The following SLC22A2 variants were observed in gnomAD, a reference collection of about 807,000 sequenced individuals.
SLC22A2 encodes the protein organic cation transporter 2.
A neutral mutation model predicts 60.5 loss-of-function variants in SLC22A2; 46 were observed. The ratio of observed to expected loss-of-function variants is 0.76; its 90% confidence interval spans 0.60 to 0.97. SLC22A2 has a LOEUF of 0.97. SLC22A2 is among the 50% of genes least tolerant of loss of function. SLC22A2 has a pLI of 0.00. For missense variants in SLC22A2, 701 were observed against 706.6 expected (o/e 0.99, Z 0.09); for synonymous variants, 303 against 267.0 (o/e 1.13, Z -1.31).
At position 160,224,751 on chromosome 6, in the gene SLC22A2, C is replaced by T; in HGVS notation, c.1555G>A (p.Gly519Arg). 1.2e-6 allele frequency: 2 copies of T among 1,604,470 alleles called. No homozygotes were observed. Among genetic ancestry groups the T allele is most frequent in the Non-Finnish European group, 1.7e-6 (2 of 1,174,540 alleles). Residue 519 changes from glycine to arginine, a missense_variant, in exon 10 of 11, where the codon GGG (glycine) becomes AGG (arginine). Physicochemically the swap from Gly to Arg is moderately radical, Grantham distance 125. Transcript: ENST00000366953. ...TCGATGGTCTCAGGCAAAGCTTTCC[C>T]TTTAGTTTCTGGAAGCAACAGCACC... is the stretch of plus-strand genomic sequence containing the variant. ...GLVLLLPETK[G>R]KALPETIEEA... is the part of the protein sequence containing the mutation.
At chr6:160,223,957 C>T (rs956421043) in intron 10 of SLC22A2, among the ~76,000 whole-genome samples, 1 of 152,134 alleles carries the variant, frequency 6.6e-6, no homozygotes, top group African/African-American at 2.4e-5. Flanking sequence ...ATCTCGATCT[C>T]CTGACCTTGT....
Position 160,224,478 on chromosome 6 carries a change from T to G in SLC22A2, c.1601+227A>C, listed in dbSNP as rs140319273. ...TTTCTTCTATGGATTCTGGATTTTTTGGGTCATATTTAGAAAGACCTTCTC... is the reference window on the plus strand; with the variant it reads ...TTTCTTCTATGGATTCTGGATTTTTGGGGTCATATTTAGAAAGACCTTCTC... On this transcript the variant is annotated intron_variant, in intron 10 of 10. Transcript: ENST00000366953. Among the ~76,000 whole-genome samples the G allele has an allele frequency of 2.8e-3, 432 of 152,326 alleles. 4 individuals are homozygous for G. Among genetic ancestry groups the G allele is most frequent in the African/African-American group, 0.01 (418 of 41,570 alleles).
At chr6:160,245,645 T>C in intron 5 of SLC22A2, 100 bp from the exon 6 acceptor site, 1 of 577,206 alleles carries the variant, frequency 1.7e-6, no homozygotes, top group South Asian at 2.9e-5. Context: ...TGAGCGCCCA[T>C]CTCATGCCCA....
intron 2 of SLC22A2, among the ~76,000 whole-genome samples, chr6:160,255,739 G>A (rs1282749636): frequency 6.6e-6 from 1 of 152,158 alleles, no homozygotes; most frequent in Non-Finnish European, 1.5e-5. Flanking sequence ...AATAAACGGT[G>A]TTATGAATAT....
chr6:160,224,680 T>G, intron 10 of SLC22A2, 25 bp downstream of exon 10: 1 of 1,497,202 alleles, frequency 6.7e-7, no homozygotes. Flanking sequence ...ATAGAACAAT[T>G]CATTTAGAAC....
intron 2 of SLC22A2, among the ~76,000 whole-genome samples, chr6:160,256,356 G>T (rs1783271565): frequency 6.6e-6 from 1 of 152,162 alleles, no homozygotes; most frequent in African/African-American, 2.4e-5. Context: ...TGAAGCTTCT[G>T]CATAGCCCCC....
At position 160,241,147 on chromosome 6, in the gene SLC22A2, G is replaced by A. The variant is rs77357690; in HGVS notation, c.1501+327C>T. On this transcript the variant is annotated intron_variant, in intron 9 of 10. Transcript: ENST00000366953. Reference sequence around the variant, plus strand: ...GAAATCAGCAGAGAGAGAGTTAGGGGCCTGCTGCTGGGAAACTTTCTTCCT... The same window carrying A: ...GAAATCAGCAGAGAGAGAGTTAGGGACCTGCTGCTGGGAAACTTTCTTCCT... Among the ~76,000 whole-genome samples the A allele has an allele frequency of 6.7e-3, 1,026 of 152,282 alleles. 10 individuals are homozygous for A. Among genetic ancestry groups the A allele is most frequent in the African/African-American group, 0.024 (995 of 41,566 alleles).
chr6:160,229,776 C>T (rs971038506), intron 9 of SLC22A2, among the ~76,000 whole-genome samples: 1 of 151,760 alleles, frequency 6.6e-6, no homozygotes, highest in Admixed American at 6.6e-5. Flanking sequence ...AACTTAAAAC[C>T]TCTTCAACTC....
At chr6:160,226,466 A>C (rs1028524741) in intron 9 of SLC22A2, among the ~76,000 whole-genome samples, 3 of 152,202 alleles carry the variant, frequency 2.0e-5, no homozygotes, top group African/African-American at 7.2e-5. Context: ...CAAAATCACC[A>C]AGTTTTAGCC....
At chr6:160,223,499 C>T (rs1014835886) in intron 10 of SLC22A2, among the ~76,000 whole-genome samples, 15 of 152,080 alleles carry the variant, frequency 9.9e-5, no homozygotes, top group Admixed American at 2.0e-4. Flanking sequence ...TCCTTGTCAG[C>T]GTATGTGAAA....
chr6:160,231,999 C>T (rs961205835), intron 9 of SLC22A2, among the ~76,000 whole-genome samples: 4 of 152,104 alleles, frequency 2.6e-5, no homozygotes, highest in African/African-American at 9.7e-5. Flanking sequence ...GTGGCTACCA[C>T]TGTGTTAATG....
chr6:160,241,803 TA>T (rs61332676), intron 8 of SLC22A2, among the ~76,000 whole-genome samples: 85,381 of 149,266 alleles, frequency 0.57, 25,322 homozygotes, highest in East Asian at 0.8. Flanking sequence ...CCTATTGAAA[TA>T]AAAAAAAAAC....
intron 3 of SLC22A2, among the ~76,000 whole-genome samples, chr6:160,249,820 AT>A (rs1783154936): frequency 6.6e-6 from 1 of 152,156 alleles, no homozygotes; most frequent in African/African-American, 2.4e-5. Flanking sequence ...TGCAAGTCCT[AT>A]TTGTTTATTT....
intron 10 of SLC22A2, among the ~76,000 whole-genome samples, chr6:160,221,609 C>T (rs903068606): frequency 3.9e-5 from 6 of 152,310 alleles, no homozygotes; most frequent in Admixed American, 2.0e-4. Flanking sequence ...AGACTTGCAA[C>T]GCTTCCTTTC....
Position 160,258,333 on chromosome 6 carries a change from C to A in SLC22A2, c.414+11G>T. The A allele has an allele frequency of 6.3e-7, 1 of 1,590,876 alleles. No homozygotes were observed. Among genetic ancestry groups the A allele is most frequent in the Non-Finnish European group, 8.6e-7 (1 of 1,169,192 alleles). ...TGCTTCTCCATCTGAGCCCTGAGCT[C>A]ACTCTCTTACCTCGGTGACGATGGA... On this transcript the variant is annotated intron_variant, in intron 1 of 10. Coordinates refer to ENST00000366953, the MANE Select transcript of SLC22A2 (RefSeq NM_003058.4).
At chr6:160,255,729 A>G (rs1346622414) in intron 2 of SLC22A2, among the ~76,000 whole-genome samples, 2 of 152,212 alleles carry the variant, frequency 1.3e-5, no homozygotes, top group Non-Finnish European at 2.9e-5. Context: ...GAAAACACTC[A>G]ATAAACGGTG....
chr6:160,251,767 T>C (rs549730932), intron 2 of SLC22A2, among the ~76,000 whole-genome samples: 1 of 152,382 alleles, frequency 6.6e-6, no homozygotes, highest in East Asian at 1.9e-4. Flanking sequence ...GTTTAATTGA[T>C]GCTTTTATTA....
rs1303914405 is a variant in SLC22A2 at position 160,216,926 on chromosome 6, G to A, written c.*506C>T. On this transcript the variant is annotated 3_prime_UTR_variant, in exon 11 of 11. Coordinates refer to ENST00000366953, the MANE Select transcript of SLC22A2 (RefSeq NM_003058.4). Reference sequence around the variant, plus strand: ...AAGTCTAACCTAGATAATAATCAATGTATTTTTAAAAATTTCTTCACCTGT... The same window carrying A: ...AAGTCTAACCTAGATAATAATCAATATATTTTTAAAAATTTCTTCACCTGT... 1 of 152,008 alleles carries A rather than the reference G, an allele frequency of 6.6e-6. No homozygotes were observed. The allele number at this position is 152,008 out of a possible 1,614,324, so 9.4% of individuals were successfully genotyped here.
intron 10 of SLC22A2, among the ~76,000 whole-genome samples, chr6:160,218,876 A>AT (rs1782588869): frequency 3.6e-4 from 1 of 2,790 alleles, no homozygotes; most frequent in Non-Finnish European, 6.0e-4. Context: ...AGAAATAGCA[A>AT]AATCAGCAGT....
Sources: gnomAD v4.1 joint callset for allele counts (sites outside exome capture counted in the v4.1 genomes callset) on GRCh38, gnomAD v4.1.1 for gene constraint, MANE v1.5 for transcripts, NCBI Gene and HGNC (gene_info 2026-07-23, HGNC 2026-07-21) for gene names.